PDE4B: variants seen among roughly 807,000 people sequenced by gnomAD.
PDE4B encodes phosphodiesterase 4B.
PDE4B carries 20 observed loss-of-function variants against 82.2 expected under a neutral mutation model. The observed-to-expected ratio is 0.24, with a 90% CI of 0.17 to 0.35. The LOEUF (loss-of-function observed/expected upper bound fraction) is 0.35. Ranked by LOEUF, PDE4B falls within the 10% of genes least tolerant of loss-of-function variation. The pLI is 1.00. For missense variants in PDE4B, 655 were observed against 907.2 expected (o/e 0.72, Z 3.57); for synonymous variants, 320 against 318.9 (o/e 1.00, Z -0.04).
chr1:66,145,876 A>G (rs1646258098), intron 3 of PDE4B, among the ~76,000 whole-genome samples: 1 of 152,206 alleles, frequency 6.6e-6, no homozygotes, highest in African/African-American at 2.4e-5. Context: ...TCAAAGTGAT[A>G]GTATCAGCCC....
chr1:65,901,674 A>G (rs1646973602), intron 1 of PDE4B, among the ~76,000 whole-genome samples: 2 of 152,054 alleles, frequency 1.3e-5, no homozygotes, highest in Admixed American at 1.3e-4. Context: ...TTTCTGATTC[A>G]ATCTTGAGAG....
chr1:65,887,257 T>TTCTTTC (rs1646795675), intron 1 of PDE4B, among the ~76,000 whole-genome samples: 1 of 53,288 alleles, frequency 1.9e-5, no homozygotes. Flanking sequence ...TTTTCTTTCT[T>TTCTTTC]TCTTTCCTTC....
At chr1:65,896,763 G>C (rs1646914751) in intron 1 of PDE4B, among the ~76,000 whole-genome samples, 1 of 152,082 alleles carries the variant, frequency 6.6e-6, no homozygotes, top group African/African-American at 2.4e-5. Flanking sequence ...TTCATCTTAT[G>C]ATTCGTCCTT....
At chr1:66,166,460 G>A (rs55805101) in intron 3 of PDE4B, among the ~76,000 whole-genome samples, 71 of 152,262 alleles carry the variant, frequency 4.7e-4, no homozygotes, top group Middle Eastern at 3.4e-3. Flanking sequence ...AGGGGGCTGG[G>A]CGGGTTGGCT....
intron 3 of PDE4B, among the ~76,000 whole-genome samples, chr1:66,191,639 G>C (rs892615287): frequency 3.3e-5 from 5 of 152,066 alleles, no homozygotes; most frequent in African/African-American, 1.2e-4. Flanking sequence ...AAGTGGAAGG[G>C]GAGAATCGAG....
At chr1:66,196,831 G>T (rs1192061864) in intron 3 of PDE4B, among the ~76,000 whole-genome samples, 1 of 124,672 alleles carries the variant, frequency 8.0e-6, no homozygotes, top group African/African-American at 3.0e-5. Context: ...AGGGGGGAGG[G>T]ATAGCATTGG....
intron 3 of PDE4B, among the ~76,000 whole-genome samples, chr1:66,228,596 T>C (rs1225187428): frequency 1.4e-5 from 2 of 148,126 alleles, no homozygotes; most frequent in African/African-American, 5.0e-5. Context: ...GCCACTGCAC[T>C]CCAGCCTGGG....
intron 9 of PDE4B, among the ~76,000 whole-genome samples, chr1:66,361,372 C>T (rs7528527): frequency 6.6e-6 from 1 of 152,076 alleles, no homozygotes; most frequent in Non-Finnish European, 1.5e-5. Flanking sequence ...CAAGTTACTT[C>T]GTTCCTCTGG....
At chr1:66,222,505 C>A (rs1461037975) in intron 3 of PDE4B, among the ~76,000 whole-genome samples, 1 of 152,172 alleles carries the variant, frequency 6.6e-6, no homozygotes, top group East Asian at 1.9e-4. Context: ...TTCAGAGCAC[C>A]CATGCAGCCT....
At chr1:65,813,476 G>A (rs1017417525) in intron 1 of PDE4B, among the ~76,000 whole-genome samples, 1 of 152,152 alleles carries the variant, frequency 6.6e-6, no homozygotes, top group African/African-American at 2.4e-5. Flanking sequence ...TATTTGGAAG[G>A]TGGTCTGGAA....
chr1:66,131,636 T>TATATATATATATAC, intron 3 of PDE4B, among the ~76,000 whole-genome samples: 1 of 126,098 alleles, frequency 7.9e-6, no homozygotes, highest in Non-Finnish European at 1.7e-5. Context: ...TATATATATA[T>TATATATATATATAC]ATTACTAACC....
chr1:66,260,291 C>A (rs976332504), intron 6 of PDE4B, among the ~76,000 whole-genome samples: 3 of 152,292 alleles, frequency 2.0e-5, no homozygotes, highest in African/African-American at 7.2e-5. Context: ...AACCTGTAAT[C>A]CTGACTGTCA....
At chr1:65,995,537 G>A (rs1651493854) in intron 3 of PDE4B, among the ~76,000 whole-genome samples, 1 of 152,078 alleles carries the variant, frequency 6.6e-6, no homozygotes, top group Non-Finnish European at 1.5e-5. Context: ...GCTCTGTATG[G>A]TCTGCTCTAC....
rs540977808 is a variant in PDE4B, at chr1:66,343,180, A to G, written c.747+10560A>G. ...AGGAAAGGCACAGATTTTTTTTAAAAAAGAGAGACTAAAATTGTTAGTAGC... is the reference window on the plus strand; with the variant it reads ...AGGAAAGGCACAGATTTTTTTTAAAGAAGAGAGACTAAAATTGTTAGTAGC... On this transcript the variant is annotated intron_variant, in intron 8 of 16. Coordinates refer to ENST00000341517, the MANE Select transcript of PDE4B (RefSeq NM_002600.4). Among the ~76,000 whole-genome samples, 10 of 152,328 alleles carry G rather than the reference A, an allele frequency of 6.6e-5. No individual in the cohort carries two copies. The East Asian group carries it at 1.9e-3, about 29-fold the overall frequency.
At chr1:66,290,394 A>G (rs1440082903) in intron 7 of PDE4B, among the ~76,000 whole-genome samples, 1 of 152,188 alleles carries the variant, frequency 6.6e-6, no homozygotes, top group African/African-American at 2.4e-5. Flanking sequence ...TCCTCTTAGT[A>G]ACCTTATGAG....
At chr1:65,894,984 A>C (rs1368790805) in intron 1 of PDE4B, among the ~76,000 whole-genome samples, 1 of 152,214 alleles carries the variant, frequency 6.6e-6, no homozygotes, top group Non-Finnish European at 1.5e-5. Context: ...AGTTTCTTTT[A>C]AAGTTGAATA....
chr1:66,046,688 G>A (rs1219473169), intron 3 of PDE4B, among the ~76,000 whole-genome samples: 3 of 151,844 alleles, frequency 2.0e-5, no homozygotes, highest in East Asian at 3.9e-4. Context: ...GGAATTACAT[G>A]TTTTTGGCCA....
intron 7 of PDE4B, among the ~76,000 whole-genome samples, chr1:66,288,416 A>G (rs1656837806): frequency 6.6e-6 from 1 of 152,098 alleles, no homozygotes; most frequent in Non-Finnish European, 1.5e-5. Flanking sequence ...AAACCATATC[A>G]CAAACCTACT....
rs145336413 is a variant in PDE4B at position 66,143,461 on chromosome 1, G to T, written c.282-103999G>T. 6.0e-3 allele frequency among the ~76,000 whole-genome samples: 909 copies of T among 152,312 alleles called. 4 individuals carry two copies. The highest frequency in any genetic ancestry group is 9.4e-3 in the Non-Finnish European group (636 of 68,020). On this transcript the variant is annotated intron_variant, in intron 3 of 16. Coordinates refer to ENST00000341517, the MANE Select transcript of PDE4B (RefSeq NM_002600.4). The stretch of plus-strand genomic sequence containing the variant: ...AGTAAGGAGTAATGCAGAGAGATGA[G>T]ACTAATAGGGCTTTGGTTAATTGGA...
Sources: allele counts gnomAD v4.1 joint callset (sites outside exome capture counted in the v4.1 genomes callset), GRCh38; gene constraint gnomAD v4.1.1; transcripts MANE v1.5; gene names NCBI Gene and HGNC (gene_info 2026-07-23, HGNC 2026-07-21).